Variants in LRRTM4 observed in about 807,000 individuals in gnomAD.
The protein encoded by LRRTM4 is leucine-rich repeat transmembrane neuronal protein 4.
In LRRTM4, 25 loss-of-function variants were observed where a neutral mutation model predicts 47.6. The observed-to-expected ratio is 0.53, with a 90% confidence interval of 0.38 to 0.73. The LOEUF (loss-of-function observed/expected upper bound fraction) is 0.73, where lower values mean the gene tolerates loss of function less well. Ranked by LOEUF, LRRTM4 falls within the 30% of genes least tolerant of loss-of-function variation. The pLI, the probability that LRRTM4 is intolerant of heterozygous loss-of-function variation, is 0.00. For missense variants in LRRTM4, 638 were observed against 713.4 expected, an observed-to-expected ratio of 0.89 and a Z score of 1.20; for synonymous variants, 311 against 269.5, an observed-to-expected ratio of 1.15 and a Z score of -1.51.
chr2:77,208,635 G>A (rs1391418537), intron 3 of LRRTM4, among the ~76,000 whole-genome samples: 1 of 152,078 alleles, frequency 6.6e-6, no homozygotes, highest in Non-Finnish European at 1.5e-5. Context: ...TATGAGGTGA[G>A]GTTTTCTGAG....
intron 3 of LRRTM4, among the ~76,000 whole-genome samples, chr2:76,957,966 T>G (rs919442222): frequency 6.6e-6 from 1 of 151,594 alleles, no homozygotes; most frequent in Non-Finnish European, 1.5e-5. Flanking sequence ...ATAATTTTAA[T>G]CAACATAAAG....
chr2:76,946,887 T>C (rs1167189227), intron 3 of LRRTM4, among the ~76,000 whole-genome samples: 2 of 151,912 alleles, frequency 1.3e-5, no homozygotes, highest in African/African-American at 4.8e-5. Flanking sequence ...ATTTGAAATA[T>C]GTCTGGTCTG....
intron 3 of LRRTM4, among the ~76,000 whole-genome samples, chr2:76,794,745 T>C (rs1171965516): frequency 2.6e-5 from 4 of 152,156 alleles, no homozygotes; most frequent in African/African-American, 4.8e-5. Context: ...GTGTACTGTC[T>C]TGTACTTTTG....
Position 77,082,454 on chromosome 2 carries a change from C to T in LRRTM4, c.1552-333538G>A, listed in dbSNP as rs187747063. On this transcript the variant is annotated intron_variant, in intron 3 of 3. Transcript: ENST00000409884. ...TAATTTTAAATAAATTTAGAAACAA[C>T]GTTTATGGTAAATTTGTACAACTTC... Among the ~76,000 whole-genome samples the T allele has an allele frequency of 1.8e-4, 28 of 152,100 alleles. No homozygotes were observed. In the East Asian group the frequency reaches 4.8e-3, roughly 26 times the overall value.
chr2:77,085,548 C>T (rs1054597667), intron 3 of LRRTM4, among the ~76,000 whole-genome samples: 3 of 151,976 alleles, frequency 2.0e-5, no homozygotes, highest in African/African-American at 4.8e-5. Flanking sequence ...TTAAGAAGAG[C>T]AATGTGGCTT....
intron 3 of LRRTM4, among the ~76,000 whole-genome samples, chr2:77,343,722 A>G (rs1009143688): frequency 2.0e-5 from 3 of 151,902 alleles, no homozygotes; most frequent in Non-Finnish European, 2.9e-5. Flanking sequence ...TGAAAAGCTG[A>G]TATGTTTATA....
chr2:77,361,474 T>C (rs576550058), intron 3 of LRRTM4, among the ~76,000 whole-genome samples: 2 of 152,274 alleles, frequency 1.3e-5, no homozygotes, highest in South Asian at 2.1e-4. Context: ...TGGCTTAATC[T>C]CTTAGACAAA....
At chr2:76,816,819 GTTTTTTTTTT>G (rs201525166) in intron 3 of LRRTM4, among the ~76,000 whole-genome samples, 5 of 96,558 alleles carry the variant, frequency 5.2e-5, no homozygotes, top group South Asian at 3.0e-4. Flanking sequence ...GAGGTAAAGA[GTTTTTTTTTT>G]TTTTTTTTTT....
intron 3 of LRRTM4, among the ~76,000 whole-genome samples, chr2:77,231,359 A>G (rs1674961029): frequency 6.6e-6 from 1 of 152,210 alleles, no homozygotes; most frequent in Non-Finnish European, 1.5e-5. Flanking sequence ...GAAAATTATA[A>G]CGGAATCTTA....
intron 3 of LRRTM4, among the ~76,000 whole-genome samples, chr2:76,881,167 T>C (rs1672917680): frequency 1.3e-5 from 2 of 152,160 alleles, no homozygotes; most frequent in African/African-American, 2.4e-5. Context: ...CACTATAAAT[T>C]GTGTATATGG....
intron 3 of LRRTM4, among the ~76,000 whole-genome samples, chr2:77,362,748 T>C (rs1672290125): frequency 6.6e-6 from 1 of 152,278 alleles, no homozygotes; most frequent in South Asian, 2.1e-4. Context: ...TCCTTTCTTT[T>C]ACTTTTTGTT....
intron 3 of LRRTM4, among the ~76,000 whole-genome samples, chr2:76,817,449 T>C (rs1302456845): frequency 1.3e-5 from 2 of 151,974 alleles, no homozygotes; most frequent in Non-Finnish European, 2.9e-5. Flanking sequence ...ATGAACATTT[T>C]CGAGTTATGA....
At chr2:77,366,476 C>T (rs535230065) in intron 3 of LRRTM4, among the ~76,000 whole-genome samples, 1 of 151,940 alleles carries the variant, frequency 6.6e-6, no homozygotes, top group African/African-American at 2.4e-5. Flanking sequence ...GTTTCTACCC[C>T]AAGCTTTGCT....
At chr2:76,808,852 G>A (rs1670641409) in intron 3 of LRRTM4, among the ~76,000 whole-genome samples, 1 of 151,968 alleles carries the variant, frequency 6.6e-6, no homozygotes, top group Non-Finnish European at 1.5e-5. Context: ...TCAGAAAATA[G>A]ATGGCAATCT....
intron 3 of LRRTM4, among the ~76,000 whole-genome samples, chr2:77,018,076 G>A (rs1005201293): frequency 2.0e-5 from 3 of 151,744 alleles, no homozygotes; most frequent in South Asian, 2.1e-4. Context: ...TATACAAATT[G>A]TTTAATGTAA....
intron 3 of LRRTM4, among the ~76,000 whole-genome samples, chr2:76,885,023 A>C (rs1382966913): frequency 6.6e-6 from 1 of 152,112 alleles, no homozygotes; most frequent in Non-Finnish European, 1.5e-5. Flanking sequence ...ATAATCATAA[A>C]GTATAAGCCT....
At chr2:76,785,359 T>C (rs529965504) in intron 3 of LRRTM4, among the ~76,000 whole-genome samples, 1 of 152,276 alleles carries the variant, frequency 6.6e-6, no homozygotes, top group Admixed American at 6.5e-5. Flanking sequence ...AAATAGAGCA[T>C]CAACTTATAA....
At chr2:77,253,983 T>C (rs569159819) in intron 3 of LRRTM4, among the ~76,000 whole-genome samples, 104 of 152,124 alleles carry the variant, frequency 6.8e-4, no homozygotes, top group African/African-American at 2.4e-3. Context: ...TGACAAGATA[T>C]AAACTTACAA....
At chr2:77,187,064 T>A (rs543986902) in intron 3 of LRRTM4, among the ~76,000 whole-genome samples, 1 of 152,288 alleles carries the variant, frequency 6.6e-6, no homozygotes, top group South Asian at 2.1e-4. Context: ...TTACTGCACA[T>A]GCACCCATCT....
Sources: allele counts gnomAD v4.1 joint callset (sites outside exome capture counted in the v4.1 genomes callset), GRCh38; gene constraint gnomAD v4.1.1; transcripts MANE v1.5; gene names NCBI Gene and HGNC (gene_info 2026-07-23, HGNC 2026-07-21).